The following TIA1 variants were observed in gnomAD, a reference collection of about 807,000 sequenced individuals.
TIA1 encodes cytotoxic granule associated RNA binding protein TIA1.
In TIA1, 23 loss-of-function variants were observed where a neutral mutation model predicts 65.9. The observed-to-expected ratio is 0.35, with a 90% CI of 0.25 to 0.49. The LOEUF is 0.49. Ranked by LOEUF, TIA1 falls within the 20% of genes least tolerant of loss-of-function variation. TIA1 has a pLI of 0.98. For synonymous variants in TIA1, 147 were observed against 149.4 expected (o/e 0.98, Z 0.12); for missense variants, 371 against 477.9 (o/e 0.78, Z 2.09).
chr2:70,246,431 T>C (rs2104802669), intron 1 of TIA1, among the ~76,000 whole-genome samples: 1 of 152,338 alleles, frequency 6.6e-6, no homozygotes, highest in South Asian at 2.1e-4. Flanking sequence ...TACCCTCATG[T>C]TTGGTCAAGG....
At chr2:70,226,859 C>A (rs879356853) in intron 6 of TIA1, among the ~76,000 whole-genome samples, 7 of 152,132 alleles carry the variant, frequency 4.6e-5, no homozygotes, top group Admixed American at 1.3e-4. Context: ...ATTCCTTGGT[C>A]ACATCCCCTA....
intron 7 of TIA1, among the ~76,000 whole-genome samples, chr2:70,221,882 G>C (rs1347536849): frequency 6.6e-6 from 1 of 151,750 alleles, no homozygotes; most frequent in African/African-American, 2.4e-5. Context: ...CAACTTCCTG[G>C]GCTCAGGTGA....
intron 12 of TIA1, among the ~76,000 whole-genome samples, chr2:70,214,014 G>C (rs187703355): frequency 6.6e-6 from 1 of 152,254 alleles, no homozygotes; most frequent in African/African-American, 2.4e-5. Context: ...AGAAATGTAA[G>C]TAAAATAGTG....
intron 3 of TIA1, 49 bp downstream of exon 3, chr2:70,230,705 TAA>T: frequency 7.5e-7 from 1 of 1,334,622 alleles, no homozygotes; most frequent in Non-Finnish European, 1.0e-6. Flanking sequence ...AAATCATATA[TAA>T]CTTAAATTTT....
At chr2:70,215,850 G>A (rs984239272) in intron 10 of TIA1, among the ~76,000 whole-genome samples, 29 of 152,042 alleles carry the variant, frequency 1.9e-4, no homozygotes, top group African/African-American at 7.0e-4. Context: ...CTGGGTTCAA[G>A]TGATTCTCCT....
chr2:70,233,543 C>T (rs1250132796), intron 2 of TIA1, among the ~76,000 whole-genome samples: 1 of 151,948 alleles, frequency 6.6e-6, no homozygotes, highest in African/African-American at 2.4e-5. Context: ...CTGGGGTGGG[C>T]GGATCATGAC....
chr2:70,223,742 A>C (rs1682577967), intron 7 of TIA1, among the ~76,000 whole-genome samples: 1 of 151,810 alleles, frequency 6.6e-6, no homozygotes, highest in Non-Finnish European at 1.5e-5. Flanking sequence ...GAAAAAAAAA[A>C]ATTAAAAAAA....
chr2:70,228,823 G>T, intron 5 of TIA1: 2 of 1,400,400 alleles, frequency 1.4e-6, no homozygotes, highest in Non-Finnish European at 9.2e-7. Flanking sequence ...GTTGGTGAAA[G>T]TAGTTCTAAG....
At chr2:70,228,780 T>C in intron 5 of TIA1, 2 of 1,334,754 alleles carry the variant, frequency 1.5e-6, no homozygotes, top group Non-Finnish European at 1.9e-6. Context: ...GCCCAAATGG[T>C]GACCTCAAGA....
At chr2:70,220,680 G>C (rs1680882514) in intron 7 of TIA1, among the ~76,000 whole-genome samples, 1 of 151,904 alleles carries the variant, frequency 6.6e-6, no homozygotes, top group Middle Eastern at 3.2e-3. Flanking sequence ...ATGATACTTT[G>C]ATACAGCTCC....
At chr2:70,213,344 T>C (rs1053701406) in intron 12 of TIA1, among the ~76,000 whole-genome samples, 1 of 150,996 alleles carries the variant, frequency 6.6e-6, no homozygotes, top group African/African-American at 2.4e-5. Context: ...TCTTTTCTTT[T>C]CTTTTTTTTT....
chr2:70,235,815 G>C (rs769706045), intron 2 of TIA1, among the ~76,000 whole-genome samples: 1 of 152,040 alleles, frequency 6.6e-6, no homozygotes, highest in Non-Finnish European at 1.5e-5. Flanking sequence ...GTTCCCATCT[G>C]ATCTAGAAAT....
intron 1 of TIA1, among the ~76,000 whole-genome samples, chr2:70,245,318 T>C (rs1160828689): frequency 1.3e-5 from 2 of 152,150 alleles, no homozygotes; most frequent in Non-Finnish European, 2.9e-5. Flanking sequence ...GTCTATAATT[T>C]ACAGATCTGC....
chr2:70,220,025 T>C (rs1680543700), intron 7 of TIA1, among the ~76,000 whole-genome samples: 1 of 145,526 alleles, frequency 6.9e-6, no homozygotes, highest in Non-Finnish European at 1.5e-5. Context: ...AATATGGCCT[T>C]ATTTGGAAAC....
chr2:70,247,245 C>G (rs72841154), intron 1 of TIA1, among the ~76,000 whole-genome samples: 9,989 of 152,184 alleles, frequency 0.066, 383 homozygotes, highest in East Asian at 0.18. Context: ...AACAGATTAA[C>G]TGACAATCTA....
rs746930209 is a variant in TIA1 at position 70,241,428 on chromosome 2, G to A, written c.27-5253C>T. 8.6e-5 allele frequency among the ~76,000 whole-genome samples: 13 copies of A among 151,900 alleles called. No homozygotes were observed. In the South Asian group the frequency reaches 1.5e-3, roughly 17 times the overall value. The stretch of plus-strand genomic sequence containing the variant: ...CTGTACTCCAGCCTGGCAACAGAGC[G>A]AGACTCTGTCTTAAAAAAAGAAAAA... On this transcript the variant is annotated intron_variant, in intron 1 of 12. Coordinates refer to ENST00000433529, the MANE Select transcript of TIA1 (RefSeq NM_022173.4).
chr2:70,217,113 A>T, intron 7 of TIA1, 119 bp from the exon 8 acceptor site: 1 of 905,780 alleles, frequency 1.1e-6, no homozygotes, highest in Non-Finnish European at 1.6e-6. Flanking sequence ...TGCTCTATGA[A>T]ATACACAACA....
chr2:70,227,182 T>C (rs1242297265), intron 6 of TIA1, among the ~76,000 whole-genome samples: 3 of 152,156 alleles, frequency 2.0e-5, no homozygotes, highest in African/African-American at 4.8e-5. Context: ...TATTTATTCA[T>C]AAGGGCCTAA....
chr2:70,215,104 T>C (rs961401101), intron 11 of TIA1: 6 of 376,066 alleles, frequency 1.6e-5, no homozygotes, highest in Non-Finnish European at 2.9e-5. Context: ...ATCTACCAAG[T>C]ATTAAAAAAA....
Sources: allele counts gnomAD v4.1 joint callset (sites outside exome capture counted in the v4.1 genomes callset), GRCh38; gene constraint gnomAD v4.1.1; transcripts MANE v1.5; gene names NCBI Gene and HGNC (gene_info 2026-07-23, HGNC 2026-07-21).